The following C8orf34 variants were observed in gnomAD, a reference collection of about 807,000 sequenced individuals.
C8orf34 encodes chromosome 8 open reading frame 34.
C8orf34 carries 65 observed loss-of-function variants against 68.3 expected under a neutral mutation model. That is an observed-to-expected ratio of 0.95 (90% CI 0.78 to 1.17). The LOEUF (loss-of-function observed/expected upper bound fraction) is 1.17, where lower values mean the gene tolerates loss of function less well. C8orf34 is among the 50% of genes most tolerant of loss of function. The pLI, the probability that C8orf34 is intolerant of heterozygous loss-of-function variation, is 0.00. For synonymous variants in C8orf34, 244 were observed against 241.2 expected, an observed-to-expected ratio of 1.01 and a Z score of -0.11; for missense variants, 664 against 655.4, an observed-to-expected ratio of 1.01 and a Z score of -0.14.
chr8:68,605,937 T>A (rs1434830610), intron 7 of C8orf34, among the ~76,000 whole-genome samples: 1 of 152,090 alleles, frequency 6.6e-6, no homozygotes, highest in East Asian at 1.9e-4. Context: ...TGGGGGATGT[T>A]GATAATGGCA....
At chr8:68,482,618 C>A (rs1305234258) in intron 4 of C8orf34, among the ~76,000 whole-genome samples, 1 of 152,066 alleles carries the variant, frequency 6.6e-6, no homozygotes, top group African/African-American at 2.4e-5. Flanking sequence ...TTGTTGATCA[C>A]CCATTTATTG....
At chr8:68,597,334 G>A (rs545670577) in intron 7 of C8orf34, among the ~76,000 whole-genome samples, 13 of 151,838 alleles carry the variant, frequency 8.6e-5, no homozygotes, top group African/African-American at 3.1e-4. Flanking sequence ...CTTATGGCTG[G>A]GATTTTTAAA....
chr8:68,590,868 A>G (rs1182987895), intron 7 of C8orf34, among the ~76,000 whole-genome samples: 2 of 152,180 alleles, frequency 1.3e-5, no homozygotes, highest in East Asian at 3.9e-4. Context: ...GGACCAGCTG[A>G]GACCACACAT....
intron 10 of C8orf34, among the ~76,000 whole-genome samples, chr8:68,756,213 G>T (rs1227415810): frequency 1.3e-5 from 2 of 152,138 alleles, no homozygotes; most frequent in African/African-American, 2.4e-5. Context: ...CACAGAATGT[G>T]TGCTTGAATG....
chr8:68,677,220 T>C (rs1820219572), intron 8 of C8orf34, among the ~76,000 whole-genome samples: 1 of 152,156 alleles, frequency 6.6e-6, no homozygotes, highest in Non-Finnish European at 1.5e-5. Context: ...GAAAAATGTC[T>C]TGAAAGAAAT....
At chr8:68,738,806 C>A (rs1822195583) in intron 10 of C8orf34, among the ~76,000 whole-genome samples, 3 of 151,624 alleles carry the variant, frequency 2.0e-5, no homozygotes, top group African/African-American at 7.3e-5. Flanking sequence ...ACCTACCAAC[C>A]AAAAAAAGGC....
intron 5 of C8orf34, among the ~76,000 whole-genome samples, chr8:68,512,338 T>A (rs1814312411): frequency 6.6e-6 from 1 of 152,214 alleles, no homozygotes; most frequent in Non-Finnish European, 1.5e-5. Flanking sequence ...TGAACATCAT[T>A]TTGGCAATCC....
intron 1 of C8orf34, among the ~76,000 whole-genome samples, chr8:68,390,231 T>G (rs1318562562): frequency 2.0e-5 from 3 of 152,158 alleles, no homozygotes; most frequent in African/African-American, 7.2e-5. Context: ...TTCTGTGCCC[T>G]GGACAGCCCC....
chr8:68,355,732 G>C (rs999091503), intron 1 of C8orf34, among the ~76,000 whole-genome samples: 2 of 152,166 alleles, frequency 1.3e-5, no homozygotes, highest in African/African-American at 4.8e-5. Flanking sequence ...GTACGTGTCT[G>C]TGTTCGTCAG....
rs79916230 is a variant in C8orf34 at position 68,620,576 on chromosome 8, C to G, written c.1106-19800C>G. Among the ~76,000 whole-genome samples, 198 of 151,620 alleles carry G rather than the reference C, an allele frequency of 1.3e-3. 2 individuals are homozygous for G. Among genetic ancestry groups the G allele is most frequent in the African/African-American group, 4.3e-3 (176 of 41,326 alleles). On this transcript the variant is annotated intron_variant, in intron 7 of 13. Transcript: ENST00000518698. ...GCTTCCCCTTACAGCCAGATGCCAC[C>G]TAGAGTGGCAAGAAGGAAAAATGAA... is the stretch of plus-strand genomic sequence containing the variant.
chr8:68,528,725 C>T (rs955740283), intron 6 of C8orf34, among the ~76,000 whole-genome samples: 2 of 152,216 alleles, frequency 1.3e-5, no homozygotes, highest in Non-Finnish European at 2.9e-5. Flanking sequence ...CATATTCACT[C>T]TCCTCAATGA....
At chr8:68,629,611 T>G (rs1818631303) in intron 7 of C8orf34, among the ~76,000 whole-genome samples, 1 of 152,186 alleles carries the variant, frequency 6.6e-6, no homozygotes, top group Admixed American at 6.6e-5. Context: ...ATACAAAATC[T>G]TATGGTCAAC....
intron 8 of C8orf34, among the ~76,000 whole-genome samples, chr8:68,698,759 G>A (rs1443411769): frequency 1.3e-5 from 2 of 152,124 alleles, no homozygotes; most frequent in East Asian, 3.9e-4. Context: ...GTTAGGCTAA[G>A]TATGCAGGAT....
At chr8:68,381,738 C>CAAG (rs1554535963) in intron 1 of C8orf34, among the ~76,000 whole-genome samples, 1 of 72,070 alleles carries the variant, frequency 1.4e-5, no homozygotes, top group Non-Finnish European at 2.4e-5. Context: ...GACTCCGTCT[C>CAAG]AAAAAAAAAA....
At chr8:68,392,343 A>G (rs1221982699) in intron 1 of C8orf34, among the ~76,000 whole-genome samples, 1 of 151,966 alleles carries the variant, frequency 6.6e-6, no homozygotes, top group Admixed American at 6.6e-5. Context: ...TGTTGCTAAT[A>G]TATATCAAGT....
chr8:68,547,737 T>C (rs1460928603), intron 7 of C8orf34, among the ~76,000 whole-genome samples: 1 of 151,704 alleles, frequency 6.6e-6, no homozygotes, highest in Non-Finnish European at 1.5e-5. Flanking sequence ...TGACCTTGAA[T>C]GGCCAAAATC....
intron 1 of C8orf34, among the ~76,000 whole-genome samples, chr8:68,344,524 G>T (rs1351563284): frequency 6.6e-6 from 1 of 151,978 alleles, no homozygotes; most frequent in Non-Finnish European, 1.5e-5. Context: ...CTATAGTTTT[G>T]CAAAATATTA....
chr8:68,545,818 G>A (rs1197122609), intron 7 of C8orf34, among the ~76,000 whole-genome samples: 2 of 152,024 alleles, frequency 1.3e-5, no homozygotes, highest in African/African-American at 2.4e-5. Context: ...GAATATGTAA[G>A]ACTATCTTAC....
intron 8 of C8orf34, among the ~76,000 whole-genome samples, chr8:68,667,229 T>C (rs1418168465): frequency 6.6e-6 from 1 of 152,212 alleles, no homozygotes; most frequent in African/African-American, 2.4e-5. Context: ...ACTTAATGTT[T>C]ATCAAATGCC....
Sources: allele counts gnomAD v4.1 joint callset (sites outside exome capture counted in the v4.1 genomes callset), GRCh38; gene constraint gnomAD v4.1.1; transcripts MANE v1.5; gene names NCBI Gene and HGNC (gene_info 2026-07-23, HGNC 2026-07-21).